The following PPP1R12A variants were observed in gnomAD, a reference collection of about 807,000 sequenced individuals.
The protein encoded by PPP1R12A is myosin binding subunit.
Under a neutral mutation model 139.6 loss-of-function variants are expected in PPP1R12A, and 19 were observed. The observed-to-expected ratio is 0.14, with a 90% CI of 0.09 to 0.20. The LOEUF (loss-of-function observed/expected upper bound fraction) is 0.20. PPP1R12A is among the 10% of genes least tolerant of loss of function. The pLI is 1.00. For synonymous variants in PPP1R12A, 427 were observed against 420.6 expected (o/e 1.02, Z -0.19); for missense variants, 925 against 1,211.5 (o/e 0.76, Z 3.51).
chr12:79,792,724 C>A (rs1413364784), intron 19 of PPP1R12A, among the ~76,000 whole-genome samples: 3 of 152,098 alleles, frequency 2.0e-5, no homozygotes, highest in African/African-American at 7.2e-5. Flanking sequence ...GGGCTGGAGT[C>A]TGCGTGATAA....
chr12:79,799,784 C>G (rs1050804535), intron 14 of PPP1R12A, among the ~76,000 whole-genome samples: 11 of 151,946 alleles, frequency 7.2e-5, no homozygotes, highest in African/African-American at 2.7e-4. Context: ...CTGAAGCAGG[C>G]TGATTGCTTG....
intron 1 of PPP1R12A, among the ~76,000 whole-genome samples, chr12:79,924,386 T>C (rs926367898): frequency 2.6e-5 from 4 of 152,158 alleles, no homozygotes; most frequent in African/African-American, 9.7e-5. Flanking sequence ...AAAACAATAG[T>C]TCTTAATGAC....
chr12:79,846,472 C>T (rs1879410209), intron 2 of PPP1R12A, among the ~76,000 whole-genome samples: 1 of 152,040 alleles, frequency 6.6e-6, no homozygotes, highest in Non-Finnish European at 1.5e-5. Flanking sequence ...CTTTGTCACC[C>T]AGGCTGGAGT....
intron 2 of PPP1R12A, among the ~76,000 whole-genome samples, chr12:79,867,280 G>A (rs1882074146): frequency 2.0e-5 from 3 of 152,022 alleles, no homozygotes; most frequent in Admixed American, 2.0e-4. Context: ...AAGAACACAT[G>A]GACACAGGGA....
At chr12:79,881,621 G>A (rs1883645310) in intron 1 of PPP1R12A, among the ~76,000 whole-genome samples, 2 of 152,172 alleles carry the variant, frequency 1.3e-5, no homozygotes, top group South Asian at 2.1e-4. Context: ...AAGTGCTGAT[G>A]GAGAAGCTGC....
At chr12:79,896,869 T>A (rs189469914) in intron 1 of PPP1R12A, among the ~76,000 whole-genome samples, 21 of 152,340 alleles carry the variant, frequency 1.4e-4, no homozygotes, top group African/African-American at 5.1e-4. Flanking sequence ...TAGTAATTCA[T>A]CTTGTTCATC....
intron 5 of PPP1R12A, chr12:79,823,659 T>G: frequency 6.6e-6 from 1 of 151,710 alleles, no homozygotes; most frequent in East Asian, 1.9e-4. Context: ...ACTGGCACGA[T>G]CGTGGCTCAC....
intron 3 of PPP1R12A, among the ~76,000 whole-genome samples, chr12:79,834,143 G>T (rs1303385399): frequency 6.7e-6 from 1 of 148,976 alleles, no homozygotes; most frequent in Non-Finnish European, 1.5e-5. Flanking sequence ...AATAAAGCAA[G>T]GAAAGGAAAC....
chr12:79,796,969 A>C lies in PPP1R12A; in HGVS notation c.2293-19T>G. The C allele has an allele frequency of 6.3e-7, 1 of 1,579,036 alleles. No homozygotes were observed. The highest frequency in any genetic ancestry group is 8.6e-7 in the Non-Finnish European group (1 of 1,167,768). On this transcript the variant is annotated intron_variant, in intron 16 of 24. Coordinates refer to ENST00000450142, the MANE Select transcript of PPP1R12A (RefSeq NM_002480.3). ...GGTAAGTCTGTGAAACATTAAGATCAAAACCCATTTGAAACATTAAACACA... is the reference window on the plus strand; with the variant it reads ...GGTAAGTCTGTGAAACATTAAGATCCAAACCCATTTGAAACATTAAACACA...
At chr12:79,907,296 T>C (rs1886209684) in intron 1 of PPP1R12A, among the ~76,000 whole-genome samples, 1 of 152,186 alleles carries the variant, frequency 6.6e-6, no homozygotes, top group Non-Finnish European at 1.5e-5. Context: ...GATTTCAATT[T>C]ACAATAAACA....
chr12:79,797,303 T>C lies in PPP1R12A; in HGVS notation c.2184A>G (p.Glu728=). Residue 728 remains glutamate (E), a synonymous_variant, in exon 16 of 25, where the codon GAA becomes GAG. Coordinates refer to ENST00000450142, the MANE Select transcript of PPP1R12A (RefSeq NM_002480.3). ...RTREQENEEK[E]KEEKEKQDKE... is the part of the protein sequence containing the mutation. ...TATCTTGTTTCTCTTTTTCCTCTTT[T>C]TCTTTTTCTTCATTTTCTTGTTCTC... is the stretch of plus-strand genomic sequence containing the variant. The C allele has an allele frequency of 6.3e-7, 1 of 1,592,342 alleles. No individual in the cohort carries two copies. The highest frequency in any genetic ancestry group is 8.6e-7 in the Non-Finnish European group (1 of 1,167,682).
At chr12:79,837,740 C>A (rs1335739561) in intron 3 of PPP1R12A, among the ~76,000 whole-genome samples, 1 of 152,154 alleles carries the variant, frequency 6.6e-6, no homozygotes, top group African/African-American at 2.4e-5. Flanking sequence ...TTCAGCATGT[C>A]TCTCTCCAGC....
At chr12:79,776,270 C>T (rs1487018379) in intron 24 of PPP1R12A, among the ~76,000 whole-genome samples, 1 of 152,080 alleles carries the variant, frequency 6.6e-6, no homozygotes, top group Non-Finnish European at 1.5e-5. Context: ...TACTAAATCA[C>T]TTGATTTTAT....
At chr12:79,812,258 C>G (rs1353493432) in intron 9 of PPP1R12A, among the ~76,000 whole-genome samples, 1 of 152,056 alleles carries the variant, frequency 6.6e-6, no homozygotes, top group Non-Finnish European at 1.5e-5. Flanking sequence ...TATAAATAAA[C>G]CCTTCCTGAA....
intron 1 of PPP1R12A, among the ~76,000 whole-genome samples, chr12:79,877,804 C>A (rs1883253216): frequency 6.6e-6 from 1 of 152,150 alleles, no homozygotes; most frequent in Non-Finnish European, 1.5e-5. Flanking sequence ...GTGTGAGCCA[C>A]CACACCCGGC....
chr12:79,775,764 G>T lies in PPP1R12A; in HGVS notation c.*165C>A, dbSNP rs1224879541. 3 of 429,910 alleles carry T rather than the reference G, an allele frequency of 7.0e-6. No homozygotes were observed. Among genetic ancestry groups the T allele is most frequent in the Non-Finnish European group, 1.2e-5 (3 of 248,542 alleles). 26.6% of individuals were successfully genotyped at this position (429,910 alleles called of 1,614,324 possible). A position where few individuals can be genotyped will look rare whatever the true frequency, so the allele number is the denominator to read the frequency against. On this transcript the variant is annotated 3_prime_UTR_variant, in exon 25 of 25. Transcript: ENST00000450142. ...AACCAACAACAACAAAAACACCCCA[G>T]AAAATTAAACAAAATGAAACAAAAA... is the stretch of plus-strand genomic sequence containing the variant.
At chr12:79,812,892 G>T (rs755914261) in intron 9 of PPP1R12A, among the ~76,000 whole-genome samples, 6 of 152,008 alleles carry the variant, frequency 3.9e-5, no homozygotes, top group African/African-American at 9.7e-5. Context: ...TAAATTAGAG[G>T]TCAAGTCTCT....
intron 1 of PPP1R12A, among the ~76,000 whole-genome samples, chr12:79,915,397 T>C (rs950562105): frequency 1.3e-5 from 2 of 152,152 alleles, no homozygotes; most frequent in Non-Finnish European, 2.9e-5. Flanking sequence ...AGCAAACAAA[T>C]CTAAAAACCT....
At chr12:79,870,308 G>A (rs1354007302) in intron 2 of PPP1R12A, among the ~76,000 whole-genome samples, 1 of 152,002 alleles carries the variant, frequency 6.6e-6, no homozygotes, top group African/African-American at 2.4e-5. Flanking sequence ...CAGACATGGG[G>A]TTTTGTCATG....
Sources: allele counts gnomAD v4.1 joint callset (sites outside exome capture counted in the v4.1 genomes callset), GRCh38; gene constraint gnomAD v4.1.1; transcripts MANE v1.5; gene names NCBI Gene and HGNC (gene_info 2026-07-23, HGNC 2026-07-21).